PCNT: variants seen among roughly 807,000 people sequenced by gnomAD.
The protein encoded by PCNT is kendrin.
PCNT carries 319 observed loss-of-function variants against 380.4 expected under a neutral mutation model. The ratio of observed to expected loss-of-function variants is 0.84; its 90% CI spans 0.77 to 0.92. The LOEUF (loss-of-function observed/expected upper bound fraction) is 0.92. Ranked by LOEUF, PCNT falls within the 40% of genes least tolerant of loss-of-function variation. The pLI is 0.00. For synonymous variants in PCNT, 1,845 were observed against 1,735.2 expected (o/e 1.06, Z -1.57); for missense variants, 4,400 against 4,255.3 (o/e 1.03, Z -0.95).
At chr21:46,326,294 C>A (rs1857918948) in intron 1 of PCNT, 83 bp from the exon 2 acceptor site, 3 of 1,345,200 alleles carry the variant, frequency 2.2e-6, no homozygotes, top group East Asian at 2.5e-5. Flanking sequence ...CCTCATGGTC[C>A]CCACCAGTCT....
chr21:46,373,246 G>A (rs2085212375), intron 15 of PCNT, among the ~76,000 whole-genome samples: 1 of 151,804 alleles, frequency 6.6e-6, no homozygotes, highest in Admixed American at 6.6e-5. Flanking sequence ...TAAATTCCTG[G>A]CCTCAAGCAA....
At chr21:46,400,399 A>G (rs979772640) in intron 25 of PCNT, among the ~76,000 whole-genome samples, 24 of 152,074 alleles carry the variant, frequency 1.6e-4, no homozygotes, top group African/African-American at 5.3e-4. Flanking sequence ...GCTGACTTCT[A>G]TGAGGTTAAA....
Position 46,427,645 on chromosome 21 carries a change from T to G in PCNT, c.7344T>G (p.Asp2448Glu). Residue 2448 changes from aspartate (D) to glutamate (E), a missense_variant, in exon 34 of 47, where the codon GAT becomes GAG. By Grantham distance (45) the Asp-to-Glu change is conservative. Coordinates refer to ENST00000359568, the MANE Select transcript of PCNT (RefSeq NM_006031.6). ...AGGAAGTGCCCACCGCGTGCCCCGA[T>G]TGGAGAGGGGACCTTCTGCAGGTTG... ...KTQEVPTACP[D>E]WRGDLLQVVQ... 1.2e-6 allele frequency: 2 copies of G among 1,613,880 alleles called. No homozygotes were observed. The highest frequency in any genetic ancestry group is 1.7e-6 in the Non-Finnish European group (2 of 1,179,994).
At chr21:46,391,654 A>G (rs1017764833) in intron 21 of PCNT, among the ~76,000 whole-genome samples, 1 of 152,220 alleles carries the variant, frequency 6.6e-6, no homozygotes, top group East Asian at 1.9e-4. Context: ...CTCTGAGTCC[A>G]ACAGCAGCAG....
At chr21:46,329,252 C>T (rs966404821) in intron 2 of PCNT, among the ~76,000 whole-genome samples, 3 of 152,182 alleles carry the variant, frequency 2.0e-5, no homozygotes, top group Non-Finnish European at 2.9e-5. Flanking sequence ...TTTGCTGTTT[C>T]ATCAGGTAGA....
intron 21 of PCNT, among the ~76,000 whole-genome samples, chr21:46,395,143 A>G (rs1156720805): frequency 6.6e-6 from 1 of 152,270 alleles, no homozygotes; most frequent in African/African-American, 2.4e-5. Flanking sequence ...AACTGCTGAC[A>G]GTGGCATCAA....
chr21:46,371,995 A>ACG (rs2085153834), intron 15 of PCNT, among the ~76,000 whole-genome samples: 1 of 150,874 alleles, frequency 6.6e-6, no homozygotes, highest in Non-Finnish European at 1.5e-5. Flanking sequence ...CAGCACATGC[A>ACG]CACACACACA....
At position 46,326,238 on chromosome 21, in the gene PCNT, C is replaced by T. The variant is rs2083390802; in HGVS notation, c.55-139C>T. 1.8e-5 allele frequency: 13 copies of T among 727,022 alleles called. No homozygotes were observed. The East Asian group carries it at 3.5e-4, about 20-fold the overall frequency. The allele number at this position is 727,022 out of a possible 1,614,324, so 45.0% of individuals were successfully genotyped here. ...GATGAAGGCAGTGTTTGTGGAGAGC[C>T]ATCTGTTGGCCAGGTGTGGCAGAGT... On this transcript the variant is annotated intron_variant, in intron 1 of 46. Transcript: ENST00000359568.
intron 15 of PCNT, among the ~76,000 whole-genome samples, chr21:46,380,683 C>A (rs564039795): frequency 6.6e-6 from 1 of 152,258 alleles, no homozygotes; most frequent in East Asian, 1.9e-4. Flanking sequence ...CTTATGGACA[C>A]TCAGCCTGTG....
chr21:46,431,220 A>G (rs2087749645), intron 37 of PCNT: 1 of 1,252,006 alleles, frequency 8.0e-7, no homozygotes, highest in Non-Finnish European at 1.0e-6. Flanking sequence ...CCTCTGGTGG[A>G]GTGATTTTCT....
In PCNT at chr21:46,342,093, C is replaced by T. The variant is rs189263887; in HGVS notation, c.640-4035C>T. Among the ~76,000 whole-genome samples, 747 of 151,780 alleles carry T rather than the reference C, an allele frequency of 4.9e-3. 6 individuals are homozygous for T. Among genetic ancestry groups the T allele is most frequent in the African/African-American group, 0.017 (700 of 41,342 alleles). On this transcript the variant is annotated intron_variant, in intron 3 of 46. Transcript: ENST00000359568. ...AGGAGCTGGGATTATAGGCATGCAC[C>T]GCCATGCCTGACTAATTTTTTATTT...
At position 46,427,704 on chromosome 21, in the gene PCNT, AG is replaced by A; in HGVS notation, c.7408del (p.Val2470LeufsTer61). ...QEAFEKEQEM[Q>X]GVELQPRLSG... is the part of the protein sequence containing the mutation. ...GCCTTTGAAAAAGAGCAGGAGATGC[AG>A]GGGGTTGAGCTGCAGCCCCGACTCA... On this transcript the variant is annotated frameshift_variant, in exon 34 of 47. Coordinates refer to ENST00000359568, the MANE Select transcript of PCNT (RefSeq NM_006031.6). LOFTEE classifies it high-confidence loss of function. The A allele has an allele frequency of 6.2e-7, 1 of 1,613,868 alleles. No homozygotes were observed. The highest frequency in any genetic ancestry group is 8.5e-7 in the Non-Finnish European group (1 of 1,180,006).
chr21:46,424,716 C>T (rs1286212255), intron 32 of PCNT, among the ~76,000 whole-genome samples: 3 of 134,484 alleles, frequency 2.2e-5, no homozygotes, highest in Non-Finnish European at 4.8e-5. Flanking sequence ...CCCACTGCGC[C>T]CCCCCCAACC....
intron 8 of PCNT, among the ~76,000 whole-genome samples, chr21:46,351,040 G>A (rs1465793500): frequency 3.3e-5 from 5 of 152,168 alleles, no homozygotes; most frequent in African/African-American, 1.2e-4. Context: ...TGGGAGTCTT[G>A]GGTACTGTGG....
intron 3 of PCNT, among the ~76,000 whole-genome samples, chr21:46,337,596 T>C (rs967792545): frequency 6.6e-6 from 1 of 152,192 alleles, no homozygotes; most frequent in East Asian, 1.9e-4. Flanking sequence ...TTGTTTTGTT[T>C]TTTGAGATGG....
intron 16 of PCNT, among the ~76,000 whole-genome samples, chr21:46,384,057 T>A (rs375510246): frequency 1.4e-5 from 2 of 144,892 alleles, no homozygotes; most frequent in Non-Finnish European, 3.0e-5. Context: ...CACAGTGCTG[T>A]GCATTCAGCA....
Position 46,398,023 on chromosome 21 carries a change from G to T in PCNT, c.4456G>T (p.Ala1486Ser), listed in dbSNP as rs1394264666. 1 of 1,585,674 alleles carries T rather than the reference G, an allele frequency of 6.3e-7. No homozygotes were observed. The highest frequency in any genetic ancestry group is 8.6e-7 in the Non-Finnish European group (1 of 1,167,730). ...CTGCCTCTCCTCCCAGGAGCAGGCA[G>T]CCGAGCGGGAGCACGAGCGCGAGGA... ...NQRQFMDEQA[A>S]EREHEREEFQ... Residue 1486 changes from alanine to serine, a missense_variant, in exon 23 of 47, where the codon GCC becomes TCC. Physicochemically the swap from Ala to Ser is moderately conservative, Grantham distance 99. Transcript: ENST00000359568.
In PCNT at chr21:46,324,189, C is replaced by G. The variant is rs1353335811; in HGVS notation, c.-40C>G. 6.4e-7 allele frequency: 1 copy of G among 1,574,134 alleles called. No individual in the cohort carries two copies. Among genetic ancestry groups the G allele is most frequent in the Non-Finnish European group, 8.7e-7 (1 of 1,150,964 alleles). The stretch of plus-strand genomic sequence containing the variant: ...TAGAGCGAAGGCTGCTCTGTGTCAG[C>G]CCCGTCACCGCCGGGCGGCCCGCGC... On this transcript the variant is annotated 5_prime_UTR_variant, in exon 1 of 47. Transcript: ENST00000359568.
chr21:46,350,308 C>T (rs999085510), intron 8 of PCNT, among the ~76,000 whole-genome samples: 1 of 152,194 alleles, frequency 6.6e-6, no homozygotes, highest in Non-Finnish European at 1.5e-5. Context: ...AATGCATGTT[C>T]TTTGCAGGCG....
Sources: gnomAD v4.1 joint callset for allele counts (sites outside exome capture counted in the v4.1 genomes callset) on GRCh38, gnomAD v4.1.1 for gene constraint, MANE v1.5 for transcripts, NCBI Gene and HGNC (gene_info 2026-07-23, HGNC 2026-07-21) for gene names.